The following CSMD3 variants were observed in gnomAD, a reference collection of about 807,000 sequenced individuals.
CSMD3 encodes the protein CUB and Sushi multiple domains 3.
A neutral mutation model predicts 435.2 loss-of-function variants in CSMD3; 177 were observed. That is an observed-to-expected ratio of 0.41 (90% CI 0.36 to 0.46). CSMD3 has a LOEUF of 0.46. Among genes scored for constraint, CSMD3 ranks in the 20% least tolerant of loss-of-function variants. The pLI is 0.34. For missense variants in CSMD3, 4,265 were observed against 4,504.6 expected (o/e 0.95, Z 1.52); for synonymous variants, 1,656 against 1,520.5 (o/e 1.09, Z -2.07).
At chr8:112,296,419 C>T (rs1820279250) in intron 53 of CSMD3, among the ~76,000 whole-genome samples, 1 of 151,708 alleles carries the variant, frequency 6.6e-6, no homozygotes, top group African/African-American at 2.4e-5. Flanking sequence ...GGCATGGTGG[C>T]AGGCGCCTGT....
At position 112,228,007 on chromosome 8, in the gene CSMD3, A is replaced by C. The variant is rs566215651; in HGVS notation, c.10964+749T>G. On this transcript the variant is annotated intron_variant, in intron 70 of 70. Coordinates refer to ENST00000297405, the MANE Select transcript of CSMD3 (RefSeq NM_198123.2). Reference sequence around the variant, plus strand: ...CAGTGAGCCGAGATTGTGCCACTGCACTCCATCCTGAGCGACAGAGCAAGA... The same window carrying C: ...CAGTGAGCCGAGATTGTGCCACTGCCCTCCATCCTGAGCGACAGAGCAAGA... Among the ~76,000 whole-genome samples, 499 of 152,164 alleles carry C rather than the reference A, an allele frequency of 3.3e-3. 3 individuals are homozygous for C. Among genetic ancestry groups the C allele is most frequent in the African/African-American group, 9.8e-3 (407 of 41,510 alleles).
chr8:112,244,600 A>C, intron 64 of CSMD3, 27 bp from the exon 65 acceptor site: 2 of 1,603,834 alleles, frequency 1.2e-6, no homozygotes, highest in Non-Finnish European at 1.7e-6. Context: ...GAACAATGTA[A>C]ATTTTCTATA....
rs1232340395 is a variant in CSMD3, at chr8:112,638,829, T to C, written c.3393A>G (p.Gln1131=). The change falls in exon 21 of 71, where the codon CAA becomes CAG. Residue 1131 remains glutamine (Q), a synonymous_variant. Coordinates refer to ENST00000297405, the MANE Select transcript of CSMD3 (RefSeq NM_198123.2). ...LLITENGSFT[Q]PLARLTGSDL... ...CTGAACCAGTCAGGCGTGCCAGTGG[T>C]TGGGTAAAACTGCCATTCTCTGTGA... The C allele has an allele frequency of 6.2e-7, 1 of 1,613,058 alleles. No homozygotes were observed. The highest frequency in any genetic ancestry group is 8.5e-7 in the Non-Finnish European group (1 of 1,179,418).
chr8:112,281,953 T>C (rs1818692695), intron 58 of CSMD3, among the ~76,000 whole-genome samples: 1 of 152,106 alleles, frequency 6.6e-6, no homozygotes, highest in Non-Finnish European at 1.5e-5. Flanking sequence ...ATATTCTAAA[T>C]AAAAGTTACA....
intron 24 of CSMD3, among the ~76,000 whole-genome samples, chr8:112,572,144 T>A (rs959846926): frequency 1.3e-5 from 2 of 152,100 alleles, no homozygotes; most frequent in Non-Finnish European, 2.9e-5. Context: ...ATCATTACAA[T>A]ATTGATATTG....
In CSMD3 at chr8:112,650,245, C is replaced by G. The variant is rs546666622; in HGVS notation, c.3109G>C (p.Asp1037His). Reference sequence around the variant, plus strand: ...TCATGACTCAACCTGTATCCTGAATCACAACTAAATGAAACAGTAGAGCCA... The same window carrying G: ...TCATGACTCAACCTGTATCCTGAATGACAACTAAATGAAACAGTAGAGCCA... ...SIGSTVSFSCDSGYRLSHEEP... is the reference protein window; with the variant it reads ...SIGSTVSFSCHSGYRLSHEEP... Residue 1037 changes from aspartate to histidine, a missense_variant, in exon 19 of 71, where the codon GAT (aspartate) becomes CAT (histidine). Coordinates refer to ENST00000297405, the MANE Select transcript of CSMD3 (RefSeq NM_198123.2). The G allele has an allele frequency of 3.2e-5, 52 of 1,613,850 alleles. No individual in the cohort carries two copies. Among genetic ancestry groups the G allele is most frequent in the Middle Eastern group, 1.7e-4 (1 of 6,060 alleles).
chr8:113,135,203 C>T (rs1445970150), intron 4 of CSMD3, among the ~76,000 whole-genome samples: 1 of 151,796 alleles, frequency 6.6e-6, no homozygotes, highest in Non-Finnish European at 1.5e-5. Context: ...ATTATAATTT[C>T]CACACTAACT....
intron 10 of CSMD3, among the ~76,000 whole-genome samples, chr8:112,896,485 A>G (rs2130382894): frequency 6.6e-6 from 1 of 151,582 alleles, no homozygotes; most frequent in Non-Finnish European, 1.5e-5. Context: ...ACATGGTGTA[A>G]GCAAGAAATT....
intron 31 of CSMD3, among the ~76,000 whole-genome samples, chr8:112,476,784 G>A (rs1055408650): frequency 1.3e-5 from 2 of 152,062 alleles, no homozygotes; most frequent in South Asian, 4.1e-4. Flanking sequence ...GTCCAACAAA[G>A]AATCAATTTG....
chr8:112,638,560 A>G (rs2074729218), intron 21 of CSMD3, 136 bp downstream of exon 21: 2 of 656,872 alleles, frequency 3.0e-6, no homozygotes, highest in South Asian at 3.5e-5. Context: ...GACACATACT[A>G]CTTTGCTTTC....
At chr8:112,738,155 A>G (rs1369182924) in intron 13 of CSMD3, among the ~76,000 whole-genome samples, 1 of 151,798 alleles carries the variant, frequency 6.6e-6, no homozygotes, top group East Asian at 1.9e-4. Flanking sequence ...TCAGGGATCC[A>G]TAAGTATGCT....
intron 5 of CSMD3, among the ~76,000 whole-genome samples, chr8:113,069,898 G>A (rs1470560025): frequency 6.6e-6 from 1 of 152,070 alleles, no homozygotes; most frequent in Non-Finnish European, 1.5e-5. Flanking sequence ...AACAGTCTAG[G>A]TGCCTGGGTC....
At chr8:112,595,722 A>C (rs1284575487) in intron 22 of CSMD3, among the ~76,000 whole-genome samples, 6 of 87,218 alleles carry the variant, frequency 6.9e-5, no homozygotes, top group Non-Finnish European at 1.4e-4. Flanking sequence ...AACATTCTTA[A>C]AGACAAGAAT....
At chr8:112,389,693 C>G (rs1249989289) in intron 36 of CSMD3, among the ~76,000 whole-genome samples, 1 of 152,132 alleles carries the variant, frequency 6.6e-6, no homozygotes. Context: ...AATTTTTCCA[C>G]AACTCTTATA....
At chr8:112,442,253 T>C (rs1439879719) in intron 32 of CSMD3, among the ~76,000 whole-genome samples, 1 of 152,014 alleles carries the variant, frequency 6.6e-6, no homozygotes, top group East Asian at 1.9e-4. Context: ...GAGGGATCCA[T>C]CCCCATGACC....
At chr8:112,445,776 C>T (rs568290096) in intron 32 of CSMD3, among the ~76,000 whole-genome samples, 48 of 152,246 alleles carry the variant, frequency 3.2e-4, no homozygotes, top group African/African-American at 1.1e-3. Flanking sequence ...AAGCAACTAA[C>T]TGACTTTAAC....
chr8:112,564,374 C>T (rs1828902978), intron 24 of CSMD3, among the ~76,000 whole-genome samples: 1 of 150,708 alleles, frequency 6.6e-6, no homozygotes, highest in African/African-American at 2.4e-5. Context: ...TTCTCCCTTC[C>T]CCTCCCCTTC....
chr8:112,519,318 G>A (rs1045644507), intron 27 of CSMD3, among the ~76,000 whole-genome samples: 4 of 152,092 alleles, frequency 2.6e-5, no homozygotes, highest in South Asian at 2.1e-4. Flanking sequence ...TGTCTCACTC[G>A]TAATAATATC....
chr8:113,239,071 A>C (rs2093182413), intron 3 of CSMD3, among the ~76,000 whole-genome samples: 1 of 152,148 alleles, frequency 6.6e-6, no homozygotes, highest in African/African-American at 2.4e-5. Flanking sequence ...CCCTAGTAAC[A>C]GGGTATTTTT....
Sources: gnomAD v4.1 joint callset for allele counts (sites outside exome capture counted in the v4.1 genomes callset) on GRCh38, gnomAD v4.1.1 for gene constraint, MANE v1.5 for transcripts, NCBI Gene and HGNC (gene_info 2026-07-23, HGNC 2026-07-21) for gene names.